CTNNA2: variants seen among roughly 807,000 people sequenced by gnomAD.
CTNNA2 encodes the protein catenin alpha 2.
Under a neutral mutation model 101.0 loss-of-function variants are expected in CTNNA2, and 42 were observed. The ratio of observed to expected loss-of-function variants is 0.42; its 90% CI spans 0.32 to 0.54. CTNNA2 has a LOEUF of 0.54. CTNNA2 is among the 20% of genes least tolerant of loss of function. The probability of loss-of-function intolerance (pLI) is 0.14; values close to 1 mark genes in which losing one functional copy is unlikely to be tolerated. For synonymous variants in CTNNA2, 450 were observed against 456.4 expected (o/e 0.99, Z 0.18); for missense variants, 871 against 1,223.1 (o/e 0.71, Z 4.29).
At chr2:80,267,345 T>C (rs1489938375) in intron 7 of CTNNA2, among the ~76,000 whole-genome samples, 1 of 152,038 alleles carries the variant, frequency 6.6e-6, no homozygotes, top group Non-Finnish European at 1.5e-5. Flanking sequence ...GTAAGAGAAA[T>C]GAAAATGAAA....
At chr2:80,357,248 TTTG>T (rs1363973865) in intron 7 of CTNNA2, among the ~76,000 whole-genome samples, 1 of 143,080 alleles carries the variant, frequency 7.0e-6, no homozygotes, top group Admixed American at 6.8e-5. Flanking sequence ...TTGTTTTTTT[TTTG>T]TTTGTTTGTT....
At chr2:80,587,353 G>C (rs1696065766) in intron 14 of CTNNA2, among the ~76,000 whole-genome samples, 1 of 152,214 alleles carries the variant, frequency 6.6e-6, no homozygotes, top group East Asian at 1.9e-4. Flanking sequence ...TAGCAACTAA[G>C]AAATGAGCCA....
rs550127856 is a variant in CTNNA2, at chr2:79,368,497, C to G, written c.-317-5334C>G. Among the ~76,000 whole-genome samples, 3 of 152,292 alleles carry G rather than the reference C, an allele frequency of 2.0e-5. No individual in the cohort carries two copies. In the East Asian group the frequency reaches 5.8e-4, roughly 29 times the overall value. On this transcript the variant is annotated intron_variant, in intron 3 of 21. Coordinates refer to the CTNNA2 transcript ENST00000466387. ...AGCTACTCCATAGCTGGACGTTGTG[C>G]GGATTTCCTCTTTTTCAATGTTATC...
chr2:80,175,363 G>T lies in CTNNA2; in HGVS notation c.1057-217848G>T, dbSNP rs190585522. On this transcript the variant is annotated intron_variant, in intron 7 of 18. Transcript: ENST00000402739. The stretch of plus-strand genomic sequence containing the variant: ...GGTCAATGCCTATTTCTAGACTGTA[G>T]GATCTACTTTGGCAGGATACGCATT... Among the ~76,000 whole-genome samples, 7 of 152,130 alleles carry T rather than the reference G, an allele frequency of 4.6e-5. No individual in the cohort carries two copies. The East Asian group carries it at 1.4e-3, about 30-fold the overall frequency.
chr2:79,721,244 A>C (rs1686469674), intron 2 of CTNNA2, among the ~76,000 whole-genome samples: 1 of 152,158 alleles, frequency 6.6e-6, no homozygotes, highest in Non-Finnish European at 1.5e-5. Flanking sequence ...TTATAAAGAA[A>C]GTAAATGTAT....
intron 3 of CTNNA2, among the ~76,000 whole-genome samples, chr2:79,752,396 A>G (rs547371276): frequency 6.6e-6 from 1 of 152,164 alleles, no homozygotes; most frequent in Non-Finnish European, 1.5e-5. Context: ...TGGAGAATGA[A>G]TAATGAGAAA....
chr2:80,090,133 ACTCT>A lies in CTNNA2; in HGVS notation c.1056+180347_1056+180350del, dbSNP rs374555744. ...ATAGTAGAGAAAGAAAGGAAGTTTCACTCTCTCTCTCTCTGTGTGTGTGTGTGTG... is the reference window on the plus strand; with the variant it reads ...ATAGTAGAGAAAGAAAGGAAGTTTCACTCTCTCTCTGTGTGTGTGTGTGTG... On this transcript the variant is annotated intron_variant, in intron 7 of 18. Coordinates refer to ENST00000402739, the MANE Select transcript of CTNNA2 (RefSeq NM_001282597.3). Among the ~76,000 whole-genome samples, 11 of 100,244 alleles carry A rather than the reference ACTCT, an allele frequency of 1.1e-4. No homozygotes were observed. The East Asian group carries it at 2.3e-3, about 21-fold the overall frequency. 65.8% of individuals were successfully genotyped at this position (100,244 alleles called of 152,430 possible).
chr2:79,308,493 A>C (rs955786095), intron 2 of CTNNA2, among the ~76,000 whole-genome samples: 1 of 152,176 alleles, frequency 6.6e-6, no homozygotes, highest in Admixed American at 6.5e-5. Context: ...GCAGTGCAGA[A>C]GATTTTTAGC....
At chr2:79,353,678 T>C (rs77645184) in intron 3 of CTNNA2, among the ~76,000 whole-genome samples, 2,315 of 152,294 alleles carry the variant, frequency 0.015, 60 homozygotes, top group African/African-American at 0.051. Flanking sequence ...TCAAGATTAA[T>C]ATTGATACGT....
rs371121229 is a variant in CTNNA2, at chr2:80,269,609, T to C, written c.1057-123602T>C. Among the ~76,000 whole-genome samples, 61 of 152,328 alleles carry C rather than the reference T, an allele frequency of 4.0e-4. 2 individuals carry two copies. The South Asian group carries it at 0.013, about 32-fold the overall frequency. On this transcript the variant is annotated intron_variant, in intron 7 of 18. Transcript: ENST00000402739. ...AAAAAAAAATGCTGTTATATGTTTC[T>C]ATCAATCCCAAGCCCAGCAGATTCA...
intron 1 of CTNNA2, among the ~76,000 whole-genome samples, chr2:79,631,035 G>A (rs1446027861): frequency 2.6e-5 from 4 of 152,118 alleles, no homozygotes; most frequent in Admixed American, 2.0e-4. Flanking sequence ...ATTGATCACA[G>A]GATCCTGTTT....
chr2:79,687,557 C>T (rs183120892), intron 2 of CTNNA2: 2 of 704,214 alleles, frequency 2.8e-6, no homozygotes, highest in South Asian at 3.1e-5. Flanking sequence ...TTTTGTTTGC[C>T]TTGCAGTGCA....
chr2:79,903,934 T>C (rs1194844415), intron 6 of CTNNA2, among the ~76,000 whole-genome samples: 3 of 152,188 alleles, frequency 2.0e-5, no homozygotes, highest in South Asian at 4.1e-4. Context: ...CAGTTAACTA[T>C]GCCCCCCAGC....
At chr2:80,465,428 A>T (rs1684771631) in intron 9 of CTNNA2, among the ~76,000 whole-genome samples, 1 of 152,174 alleles carries the variant, frequency 6.6e-6, no homozygotes, top group Non-Finnish European at 1.5e-5. Context: ...TTACAAATGG[A>T]AGACTGGGTG....
chr2:79,794,196 A>T (rs1336212698), intron 3 of CTNNA2, among the ~76,000 whole-genome samples: 2 of 152,186 alleles, frequency 1.3e-5, no homozygotes, highest in African/African-American at 4.8e-5. Flanking sequence ...AGAGAAAGAA[A>T]ACAGGACTTC....
intron 4 of CTNNA2, among the ~76,000 whole-genome samples, chr2:79,443,433 A>G (rs1678797815): frequency 1.3e-5 from 2 of 152,112 alleles, no homozygotes; most frequent in Admixed American, 6.6e-5. Context: ...TTGAATCTCA[A>G]TGATGTCTAC....
intron 7 of CTNNA2, among the ~76,000 whole-genome samples, chr2:80,036,413 C>T (rs1427819018): frequency 6.6e-6 from 1 of 151,940 alleles, no homozygotes; most frequent in African/African-American, 2.4e-5. Flanking sequence ...TGCAACATAG[C>T]AATACCCCAT....
intron 7 of CTNNA2, among the ~76,000 whole-genome samples, chr2:80,223,098 T>G (rs148107980): frequency 3.2e-4 from 49 of 152,288 alleles, no homozygotes; most frequent in African/African-American, 1.1e-3. Flanking sequence ...ACCATATTAT[T>G]ATCTGTTTAT....
chr2:79,219,929 G>A (rs887215371), intron 2 of CTNNA2, among the ~76,000 whole-genome samples: 3 of 152,234 alleles, frequency 2.0e-5, no homozygotes, highest in Admixed American at 6.5e-5. Flanking sequence ...TCTGCTATTC[G>A]AAAGCGCTCT....
Sources: allele counts gnomAD v4.1 joint callset (sites outside exome capture counted in the v4.1 genomes callset), GRCh38; gene constraint gnomAD v4.1.1; transcripts MANE v1.5; gene names NCBI Gene and HGNC (gene_info 2026-07-23, HGNC 2026-07-21).